RIMBP2: variants seen among roughly 807,000 people sequenced by gnomAD.
The protein encoded by RIMBP2 is RIMS binding protein 2.
RIMBP2 carries 48 observed loss-of-function variants against 118.6 expected under a neutral mutation model. That is an observed-to-expected ratio of 0.40 (90% CI 0.32 to 0.51). The LOEUF is 0.51. RIMBP2 is among the 20% of genes least tolerant of loss of function. The pLI, the probability that RIMBP2 is intolerant of heterozygous loss-of-function variation, is 0.41. For missense variants in RIMBP2, 1,551 were observed against 1,768.3 expected (o/e 0.88, Z 2.20); for synonymous variants, 762 against 742.9 (o/e 1.03, Z -0.42).
At chr12:130,462,383 G>A (rs890496821) in intron 6 of RIMBP2, among the ~76,000 whole-genome samples, 1 of 152,264 alleles carries the variant, frequency 6.6e-6, no homozygotes, top group African/African-American at 2.4e-5. Flanking sequence ...CCGCGCTGCC[G>A]CAAGCCTGGA....
rs2075856794 is a variant in RIMBP2 at position 130,413,237 on chromosome 12, C to A, written c.3421-450G>T. On this transcript the variant is annotated intron_variant, in intron 18 of 22. Transcript: ENST00000690449. ...GTTCTCAAATGCCAACTGTCAGGAC[C>A]CTTGCTGAAACTGCAAACAGGGTTC... Among the ~76,000 whole-genome samples the A allele has an allele frequency of 2.0e-5, 3 of 152,280 alleles. No individual in the cohort carries two copies. The South Asian group carries it at 6.2e-4, about 32-fold the overall frequency.
rs1356997047 is a variant in RIMBP2, at chr12:130,470,820, C to A, written c.103-77G>T. 3.9e-6 allele frequency: 3 copies of A among 770,642 alleles called. No homozygotes were observed. In the African/African-American group the frequency reaches 5.4e-5, roughly 14 times the overall value. The allele number at this position is 770,642 out of a possible 1,614,324, so 47.7% of individuals were successfully genotyped here. The stretch of plus-strand genomic sequence containing the variant: ...GACAATCGGATCAATGTCTGAATCA[C>A]TGGGGGTGGGGGATCATTTATTTTT... On this transcript the variant is annotated intron_variant, in intron 5 of 22. Coordinates refer to ENST00000690449, the MANE Select transcript of RIMBP2 (RefSeq NM_001393629.1).
At chr12:130,546,695 C>T (rs2055209495) in intron 2 of RIMBP2, among the ~76,000 whole-genome samples, 1 of 152,176 alleles carries the variant, frequency 6.6e-6, no homozygotes, top group Admixed American at 6.5e-5. Flanking sequence ...TCTCCCATGT[C>T]TAGAAGAAGG....
chr12:130,638,121 G>A (rs916090526), intron 1 of RIMBP2, among the ~76,000 whole-genome samples: 4 of 152,108 alleles, frequency 2.6e-5, no homozygotes, highest in South Asian at 2.1e-4. Flanking sequence ...CACAGAAATC[G>A]CCAATGTCTT....
intron 2 of RIMBP2, among the ~76,000 whole-genome samples, chr12:130,571,769 T>C (rs2057684103): frequency 1.3e-5 from 2 of 152,234 alleles, no homozygotes; most frequent in African/African-American, 4.8e-5. Context: ...TGTTTGTATC[T>C]GGCCCCCATG....
At chr12:130,408,187 C>A (rs1024187162) in intron 19 of RIMBP2, among the ~76,000 whole-genome samples, 1 of 152,206 alleles carries the variant, frequency 6.6e-6, no homozygotes, top group Non-Finnish European at 1.5e-5. Context: ...GGAGGCCCTG[C>A]AGAGTGCACG....
At chr12:130,432,307 T>G (rs1237619366) in intron 14 of RIMBP2, 1 of 456,506 alleles carries the variant, frequency 2.2e-6, no homozygotes, top group Non-Finnish European at 4.4e-6. Flanking sequence ...CTCAATTCTG[T>G]GGGCCTCAGT....
chr12:130,615,298 T>TATATATATATATATAC (rs1190414058), intron 2 of RIMBP2, among the ~76,000 whole-genome samples: 1 of 120,634 alleles, frequency 8.3e-6, no homozygotes, highest in Non-Finnish European at 1.8e-5. Context: ...TATATATATG[T>TATATATATATATATAC]GTACACACAA....
chr12:130,479,080 A>G, intron 4 of RIMBP2, 64 bp from the exon 5 acceptor site: 1 of 1,322,672 alleles, frequency 7.6e-7, no homozygotes, highest in Non-Finnish European at 1.1e-6. Context: ...TGCATCCTAT[A>G]CCCTGCACCA....
intron 2 of RIMBP2, among the ~76,000 whole-genome samples, chr12:130,587,686 G>A (rs1291406901): frequency 1.4e-5 from 1 of 69,390 alleles, no homozygotes; most frequent in Non-Finnish European, 2.5e-5. Flanking sequence ...TGGTGGGGTG[G>A]GGGGAGGGGG....
At chr12:130,560,609 T>C (rs1015221333) in intron 2 of RIMBP2, among the ~76,000 whole-genome samples, 5 of 152,236 alleles carry the variant, frequency 3.3e-5, no homozygotes, top group African/African-American at 1.2e-4. Flanking sequence ...ACAGCAACGC[T>C]GACTCCTCGC....
At chr12:130,537,049 G>A (rs2054145259) in intron 2 of RIMBP2, among the ~76,000 whole-genome samples, 1 of 152,176 alleles carries the variant, frequency 6.6e-6, no homozygotes, top group South Asian at 2.1e-4. Context: ...GAGGGACTGA[G>A]AAACTCTCAC....
intron 1 of RIMBP2, among the ~76,000 whole-genome samples, chr12:130,640,284 G>A (rs920659452): frequency 3.3e-5 from 5 of 152,170 alleles, no homozygotes; most frequent in Non-Finnish European, 5.9e-5. Flanking sequence ...TACCGCTCAA[G>A]AGCAATTTCA....
rs2076351024 is a variant in RIMBP2, at chr12:130,420,542, G to T, written c.3238+1911C>A. ...TCAAAAGTAGTTTCATTTGGGAAGG[G>T]TTTTTATGATACTAATAAAACTTTA... On this transcript the variant is annotated intron_variant, in intron 17 of 22. Transcript: ENST00000690449. This position sits in a 1 kb window ranked among gnomAD's most constrained non-coding sequence, Gnocchi z 4.3. 6.6e-6 allele frequency among the ~76,000 whole-genome samples: 1 copy of T among 152,078 alleles called. No individual in the cohort carries two copies. Among genetic ancestry groups the T allele is most frequent in the Non-Finnish European group, 1.5e-5 (1 of 68,014 alleles).
intron 4 of RIMBP2, among the ~76,000 whole-genome samples, chr12:130,491,872 T>C (rs1369020717): frequency 6.6e-6 from 1 of 152,234 alleles, no homozygotes; most frequent in Non-Finnish European, 1.5e-5. Flanking sequence ...AAAGCAGCGA[T>C]ATTTATAGCT....
rs1172709011 is a variant in RIMBP2 at position 130,478,984 on chromosome 12, C to G, written c.30G>C (p.Gln10His). The change falls in exon 5 of 23, where the codon CAG becomes CAC. Residue 10 changes from glutamine (Q) to histidine (H), a missense_variant. Physicochemically the swap from Gln to His is conservative, Grantham distance 24. Coordinates refer to ENST00000690449, the MANE Select transcript of RIMBP2 (RefSeq NM_001393629.1). Reference protein sequence around the residue: MREAAERRQQLQLEHDQALA... With the variant: MREAAERRQHLQLEHDQALA... Reference sequence around the variant, plus strand: ...GGGCCTGGTCATGCTCCAACTGCAGCTGCTGCCGCCGTTCAGCCGCCTCTC... The same window carrying G: ...GGGCCTGGTCATGCTCCAACTGCAGGTGCTGCCGCCGTTCAGCCGCCTCTC... 6.2e-7 allele frequency: 1 copy of G among 1,613,706 alleles called. No homozygotes were observed. Among genetic ancestry groups the G allele is most frequent in the South Asian group, 1.1e-5 (1 of 91,082 alleles).
In RIMBP2 at chr12:130,622,534, C is replaced by T. The variant is rs562215482; in HGVS notation, c.-217+5788G>A. 5.9e-5 allele frequency among the ~76,000 whole-genome samples: 9 copies of T among 152,034 alleles called. No individual in the cohort carries two copies. The highest frequency in any genetic ancestry group is 1.9e-4 in the African/African-American group (8 of 41,442). On this transcript the variant is annotated intron_variant, in intron 2 of 22. Coordinates refer to ENST00000690449, the MANE Select transcript of RIMBP2 (RefSeq NM_001393629.1). This position sits in a 1 kb window ranked among gnomAD's most constrained non-coding sequence, Gnocchi z 8.5. ...ATAGAGATGGAGTCTCACTTTGTTG[C>T]CCAGGGTGGTCCCAAACTCCTGGAC...
chr12:130,571,231 C>G (rs1288600652), intron 2 of RIMBP2, among the ~76,000 whole-genome samples: 1 of 151,430 alleles, frequency 6.6e-6, no homozygotes, highest in African/African-American at 2.4e-5. Context: ...GTAGCTCAGC[C>G]AGGGGAGGGG....
chr12:130,678,517 C>T (rs1429627820), intron 1 of RIMBP2, among the ~76,000 whole-genome samples: 1 of 152,002 alleles, frequency 6.6e-6, no homozygotes, highest in Non-Finnish European at 1.5e-5. Flanking sequence ...TGCAGGATTG[C>T]ACTTTTTTTT....
Sources: gnomAD v4.1 joint callset for allele counts (sites outside exome capture counted in the v4.1 genomes callset) on GRCh38, gnomAD v4.1.1 for gene constraint, Gnocchi (gnomAD v3.1) non-coding constraint, MANE v1.5 for transcripts, NCBI Gene and HGNC (gene_info 2026-07-23, HGNC 2026-07-21) for gene names.